Variants in MLC1 observed in about 807,000 individuals in gnomAD.
The protein encoded by MLC1 is membrane protein MLC1.
MLC1 carries 32 observed loss-of-function variants against 44.7 expected under a neutral mutation model. That is an observed-to-expected ratio of 0.72 (90% CI 0.54 to 0.96). The LOEUF (loss-of-function observed/expected upper bound fraction) is 0.96. Among genes scored for constraint, MLC1 ranks in the 40% least tolerant of loss-of-function variants. MLC1 has a pLI of 0.00. For synonymous variants in MLC1, 190 were observed against 213.0 expected, an observed-to-expected ratio of 0.89 and a Z score of 0.94; for missense variants, 459 against 492.2, an observed-to-expected ratio of 0.93 and a Z score of 0.64.
chr22:50,064,160 CACT>C lies in MLC1; in HGVS notation c.930_932del (p.Val311del). 6.2e-7 allele frequency: 1 copy of C among 1,606,154 alleles called. No individual in the cohort carries two copies. Among genetic ancestry groups the C allele is most frequent in the Non-Finnish European group, 8.5e-7 (1 of 1,179,608 alleles). The stretch of plus-strand genomic sequence containing the variant: ...TGTTGAGGCCGGCCTGCAGCAGGAG[CACT>C]AGCAGCAGCAGCAGCAGCAGCACAT... On this transcript the variant is annotated inframe_deletion, in exon 11 of 12. Transcript: ENST00000311597.
rs374916974 is a variant in MLC1, at chr22:50,068,570, C to A, written c.772-15G>T. 5 of 1,380,440 alleles carry A rather than the reference C, an allele frequency of 3.6e-6. No individual in the cohort carries two copies. Among genetic ancestry groups the A allele is most frequent in the Non-Finnish European group, 4.8e-6 (5 of 1,034,752 alleles). 85.5% of individuals were successfully genotyped at this position (1,380,440 alleles called of 1,614,324 possible). On this transcript the variant is annotated splice_polypyrimidine_tract_variant and intron_variant, in intron 9 of 11. Coordinates refer to ENST00000311597, the MANE Select transcript of MLC1 (RefSeq NM_015166.4). ...AGGACCTCCACCTGGAAAAAAAGCG[C>A]GGGTTGCAGGACCACGGCCGGAGCC...
Position 50,074,220 on chromosome 22 carries a change from A to G in MLC1, c.710T>C (p.Val237Ala), listed in dbSNP as rs765967624. 2 of 1,612,628 alleles carry G rather than the reference A, an allele frequency of 1.2e-6. No individual in the cohort carries two copies. Among genetic ancestry groups the G allele is most frequent in the Middle Eastern group, 1.6e-4 (1 of 6,062 alleles). ...CGGGCCAGAGGGGTTACTCACGGCC[A>G]CTAGGATCCAAAAGAACGTCACTGA... ...HLSVTFFWIL[V>A]ACFPSAIASH... The change falls in exon 8 of 12, where the codon GTG becomes GCG. Residue 237 changes from valine to alanine, a missense_variant. Transcript: ENST00000311597.
At chr22:50,081,009 A>AACAGAAAGAAAGAAAGAAAGAAAGAAAG (rs1555967989) in intron 3 of MLC1, among the ~76,000 whole-genome samples, 2 of 96,740 alleles carry the variant, frequency 2.1e-5, no homozygotes, top group African/African-American at 9.1e-5. Flanking sequence ...TTGTCTCAAA[A>AACAGAAAGAAAGAAAGAAAGAAAGAAAG]AAAGAAAGAA....
intron 10 of MLC1, among the ~76,000 whole-genome samples, chr22:50,067,549 A>G (rs111229565): frequency 0.018 from 249 of 13,664 alleles, 14 homozygotes; most frequent in African/African-American, 0.035. Context: ...CCATCCCCCC[A>G]TCAGGCAGTG....
In MLC1 at chr22:50,059,662, G is replaced by A. The variant is rs897801142; in HGVS notation, c.*1921C>T. On this transcript the variant is annotated 3_prime_UTR_variant, in exon 12 of 12. Coordinates refer to ENST00000311597, the MANE Select transcript of MLC1 (RefSeq NM_015166.4). ...AGGAGCAGACCCCGCCAGCCTCAAAGCTGCAGGGAGGTGGGGGTGGCCTGC... is the reference window on the plus strand; with the variant it reads ...AGGAGCAGACCCCGCCAGCCTCAAAACTGCAGGGAGGTGGGGGTGGCCTGC... The A allele has an allele frequency of 6.6e-6, 1 of 152,374 alleles. No homozygotes were observed. The highest frequency in any genetic ancestry group is 6.5e-5 in the Admixed American group (1 of 15,276). The allele number at this position is 152,374 out of a possible 1,614,324, so 9.4% of individuals were successfully genotyped here. A position where few individuals can be genotyped will look rare whatever the true frequency, so the allele number is the denominator to read the frequency against.
At chr22:50,064,564 G>T (rs897684812) in intron 10 of MLC1, among the ~76,000 whole-genome samples, 1 of 152,136 alleles carries the variant, frequency 6.6e-6, no homozygotes, top group African/African-American at 2.4e-5. Flanking sequence ...AGGCAGAAGC[G>T]CTGACCGTTC....
At chr22:50,065,596 C>T (rs566035378) in intron 10 of MLC1, among the ~76,000 whole-genome samples, 86 of 152,290 alleles carry the variant, frequency 5.6e-4, no homozygotes, top group Non-Finnish European at 9.4e-4. Context: ...GCAATGCAGA[C>T]GTCCTCATGC....
chr22:50,068,407 G>A (rs756622752), intron 10 of MLC1, 26 bp downstream of exon 10: 4 of 1,611,600 alleles, frequency 2.5e-6, no homozygotes, highest in Non-Finnish European at 3.4e-6. Context: ...CATGTCTGGG[G>A]GGCTCTGAAA....
chr22:50,063,819 AGG>A (rs1316707657), intron 11 of MLC1, among the ~76,000 whole-genome samples: 8 of 119,896 alleles, frequency 6.7e-5, no homozygotes, highest in Admixed American at 1.9e-4. Context: ...CCTGCACCGC[AGG>A]CCACTCACCT....
At chr22:50,075,355 G>A (rs9617060) in intron 7 of MLC1, among the ~76,000 whole-genome samples, 20,508 of 151,496 alleles carry the variant, frequency 0.14, 1,615 homozygotes, top group Admixed American at 0.21. Context: ...CTTGGGGGCC[G>A]GAAGGGACCT....
Position 50,084,972 on chromosome 22 carries a change from A to G in MLC1, c.-59-11T>C. ...TCACCAGTTCTTTATCTGGAATAAA[A>G]TTATCATCGGCTTTGGCCACTCTGA... On this transcript the variant is annotated splice_polypyrimidine_tract_variant and intron_variant, in intron 1 of 11. Coordinates refer to ENST00000311597, the MANE Select transcript of MLC1 (RefSeq NM_015166.4). The G allele has an allele frequency of 2.5e-6, 4 of 1,589,946 alleles. No homozygotes were observed. In the Admixed American group the frequency reaches 5.2e-5, roughly 21 times the overall value.
At position 50,064,207 on chromosome 22, in the gene MLC1, G is replaced by A. The variant is rs11568185; in HGVS notation, c.895-9C>T. Reference sequence around the variant, plus strand: ...AGCACATCGTAGGATGGCTGCAGGCGGAAGGAGGTGTGAGCAGAGTGGCCC... The same window carrying A: ...AGCACATCGTAGGATGGCTGCAGGCAGAAGGAGGTGTGAGCAGAGTGGCCC... On this transcript the variant is annotated splice_polypyrimidine_tract_variant and intron_variant, in intron 10 of 11. Coordinates refer to ENST00000311597, the MANE Select transcript of MLC1 (RefSeq NM_015166.4). 232,094 of 1,585,140 alleles carry A rather than the reference G, an allele frequency of 0.15. 17,829 individuals carry two copies. Among genetic ancestry groups the A allele is most frequent in the South Asian group, 0.22 (19,510 of 88,994 alleles).
chr22:50,076,745 C>G (rs2061990307), intron 7 of MLC1, 96 bp downstream of exon 7: 1 of 1,375,120 alleles, frequency 7.3e-7, no homozygotes, highest in East Asian at 2.3e-5. Context: ...ACAGCCAACT[C>G]TTCGCCAACT....
At chr22:50,067,720 T>C (rs1257220602) in intron 10 of MLC1, among the ~76,000 whole-genome samples, 3 of 104,410 alleles carry the variant, frequency 2.9e-5, no homozygotes, top group Non-Finnish European at 5.7e-5. Flanking sequence ...AGACAGTGAC[T>C]CCATCCATCC....
rs142027672 is a variant in MLC1, at chr22:50,061,571, C to T, written c.*12G>A. 2,111 of 1,613,214 alleles carry T rather than the reference C, an allele frequency of 1.3e-3. 25 individuals are homozygous for T. In the African/African-American group the frequency reaches 0.025, roughly 19 times the overall value. On this transcript the variant is annotated 3_prime_UTR_variant, in exon 12 of 12. Transcript: ENST00000311597. ...AGGCTGGGCGCTGCCACCCGGTTTC[C>T]GCGTCTGGGGGTCACTGGGCCATTT...
chr22:50,071,119 T>C (rs1238689277), intron 8 of MLC1, among the ~76,000 whole-genome samples: 1 of 151,964 alleles, frequency 6.6e-6, no homozygotes, highest in East Asian at 1.9e-4. Context: ...CTTCTCCTTT[T>C]TTTTTTTAAG....
At chr22:50,061,869 G>A (rs566040891) in intron 11 of MLC1, among the ~76,000 whole-genome samples, 4 of 152,150 alleles carry the variant, frequency 2.6e-5, no homozygotes, top group South Asian at 2.1e-4. Context: ...ATCCCCCCCC[G>A]CACACACGGT....
In MLC1 at chr22:50,079,944, G is replaced by A. The variant is rs1182653309; in HGVS notation, c.397C>T (p.Leu133=). Reference sequence around the variant, plus strand: ...TTTATTGCTGATGGGTTCAGGACTAGTTTGCATCCAAACCAAATTAAACAC... The same window carrying A: ...TTTATTGCTGATGGGTTCAGGACTAATTTGCATCCAAACCAAATTAAACAC... ...TTCLIWFGCK[L]VLNPSAININ... Residue 133 remains leucine, a synonymous_variant, in exon 5 of 12, where the codon CTA becomes TTA. Coordinates refer to ENST00000311597, the MANE Select transcript of MLC1 (RefSeq NM_015166.4). 6.2e-7 allele frequency: 1 copy of A among 1,613,860 alleles called. No homozygotes were observed. Among genetic ancestry groups the A allele is most frequent in the Admixed American group, 1.7e-5 (1 of 60,022 alleles).
In MLC1 at chr22:50,077,331, G is replaced by C. The variant is rs2062008750; in HGVS notation, c.525+70C>G. The C allele has an allele frequency of 5.8e-6, 8 of 1,380,140 alleles. No homozygotes were observed. In the Admixed American group the frequency reaches 1.2e-4, roughly 21 times the overall value. 85.5% of individuals were successfully genotyped at this position (1,380,140 alleles called of 1,614,324 possible). On this transcript the variant is annotated intron_variant, in intron 6 of 11. Transcript: ENST00000311597. Reference sequence around the variant, plus strand: ...ATCGGCCCTCCGAGGGTGACGCTGAGACCCACCTCGCTCACCCTGGGGTGA... The same window carrying C: ...ATCGGCCCTCCGAGGGTGACGCTGACACCCACCTCGCTCACCCTGGGGTGA...
Sources: gnomAD v4.1 joint callset for allele counts (sites outside exome capture counted in the v4.1 genomes callset) on GRCh38, gnomAD v4.1.1 for gene constraint, MANE v1.5 for transcripts, NCBI Gene and HGNC (gene_info 2026-07-23, HGNC 2026-07-21) for gene names.